Variants in CBFA2T2 observed in about 807,000 individuals in gnomAD.
CBFA2T2 encodes the protein protein CBFA2T2.
Under a neutral mutation model 62.2 loss-of-function variants are expected in CBFA2T2, and 11 were observed. The ratio of observed to expected loss-of-function variants is 0.18; its 90% CI spans 0.11 to 0.29. The LOEUF (loss-of-function observed/expected upper bound fraction) is 0.29, where lower values mean the gene tolerates loss of function less well. Among genes scored for constraint, CBFA2T2 ranks in the 10% least tolerant of loss-of-function variants. The probability of loss-of-function intolerance (pLI) is 1.00; values close to 1 mark genes in which losing one functional copy is unlikely to be tolerated. For synonymous variants in CBFA2T2, 295 were observed against 287.5 expected (o/e 1.03, Z -0.27); for missense variants, 592 against 774.1 (o/e 0.76, Z 2.79).
chr20:33,569,966 A>T (rs1303919071), intron 1 of CBFA2T2, among the ~76,000 whole-genome samples: 3 of 152,172 alleles, frequency 2.0e-5, no homozygotes, highest in African/African-American at 7.2e-5. Context: ...GCCTGAGGCA[A>T]GAGGATTACT....
At chr20:33,612,563 T>G (rs1456776080) in intron 3 of CBFA2T2, among the ~76,000 whole-genome samples, 1 of 151,516 alleles carries the variant, frequency 6.6e-6, no homozygotes, top group Admixed American at 6.6e-5. Flanking sequence ...GACTTTCTAT[T>G]ATGCTAGATA....
chr20:33,558,521 A>G (rs528194063), intron 1 of CBFA2T2, among the ~76,000 whole-genome samples: 2 of 152,196 alleles, frequency 1.3e-5, no homozygotes, highest in East Asian at 3.9e-4. Context: ...TGGACTATAA[A>G]GTTTTCCACA....
At chr20:33,574,017 G>T in intron 1 of CBFA2T2, 1 of 1,067,068 alleles carries the variant, frequency 9.4e-7, no homozygotes, top group Non-Finnish European at 1.3e-6. Context: ...TCAAACTCCT[G>T]GGCTAAAGCG....
intron 1 of CBFA2T2, chr20:33,562,405 C>T (rs2013117549): frequency 1.0e-6 from 1 of 985,850 alleles, no homozygotes; most frequent in South Asian, 4.7e-5. Flanking sequence ...TCTGGGGATT[C>T]TGGCAAGGTG....
At chr20:33,578,322 G>A (rs1270018042) in intron 1 of CBFA2T2, among the ~76,000 whole-genome samples, 1 of 152,120 alleles carries the variant, frequency 6.6e-6, no homozygotes, top group Non-Finnish European at 1.5e-5. Flanking sequence ...AAAATGGTAA[G>A]GAGTTGAGAA....
At chr20:33,582,285 G>A (rs143497513) in intron 1 of CBFA2T2, among the ~76,000 whole-genome samples, 40 of 151,604 alleles carry the variant, frequency 2.6e-4, no homozygotes, top group African/African-American at 9.2e-4. Context: ...CTGAGGTCAG[G>A]CGAGACCAGC....
At chr20:33,572,770 T>G (rs898657639) in intron 1 of CBFA2T2, among the ~76,000 whole-genome samples, 2 of 152,226 alleles carry the variant, frequency 1.3e-5, no homozygotes, top group Non-Finnish European at 2.9e-5. Context: ...TGTAATCCAA[T>G]GAATTTGGAT....
At chr20:33,587,573 G>A (rs988667805) in intron 1 of CBFA2T2, among the ~76,000 whole-genome samples, 17 of 151,854 alleles carry the variant, frequency 1.1e-4, no homozygotes, top group Admixed American at 9.8e-4. Context: ...GCCAATTTTT[G>A]TACTTTTAGT....
chr20:33,505,437 T>G (rs1245902074), intron 1 of CBFA2T2, among the ~76,000 whole-genome samples: 1 of 152,218 alleles, frequency 6.6e-6, no homozygotes, highest in African/African-American at 2.4e-5. Flanking sequence ...TTGTAGTGGT[T>G]TCCATAGTTG....
At chr20:33,561,614 G>C (rs2013094201) in intron 1 of CBFA2T2, among the ~76,000 whole-genome samples, 4 of 151,940 alleles carry the variant, frequency 2.6e-5, no homozygotes. Flanking sequence ...TGACCTTATG[G>C]GTTTCTGTCA....
chr20:33,597,023 G>A (rs2014924044), intron 1 of CBFA2T2, among the ~76,000 whole-genome samples: 1 of 149,992 alleles, frequency 6.7e-6, no homozygotes, highest in African/African-American at 2.5e-5. Context: ...CTCCAGGGCT[G>A]AAGGAATCCT....
chr20:33,537,352 C>A (rs903645352), intron 1 of CBFA2T2, among the ~76,000 whole-genome samples: 5 of 152,242 alleles, frequency 3.3e-5, no homozygotes, highest in African/African-American at 1.2e-4. Flanking sequence ...TCAGGCGTGG[C>A]AGCGCGCGCC....
At chr20:33,526,870 C>T (rs1369846947) in intron 1 of CBFA2T2, among the ~76,000 whole-genome samples, 3 of 152,218 alleles carry the variant, frequency 2.0e-5, no homozygotes, top group African/African-American at 7.2e-5. Context: ...CTACTTCTAT[C>T]TCTTACTCAC....
chr20:33,620,625 A>AG (rs1483075901), intron 4 of CBFA2T2, among the ~76,000 whole-genome samples: 1 of 152,238 alleles, frequency 6.6e-6, no homozygotes, highest in Non-Finnish European at 1.5e-5. Flanking sequence ...AGATTACCTG[A>AG]GGTCAGGAGT....
chr20:33,623,687 G>T, intron 5 of CBFA2T2: 1 of 653,068 alleles, frequency 1.5e-6, no homozygotes, highest in South Asian at 1.8e-5. Context: ...CTCCCAAAGT[G>T]CTGGGATTAT....
At chr20:33,512,879 A>G (rs1381016846) in intron 1 of CBFA2T2, among the ~76,000 whole-genome samples, 4 of 151,666 alleles carry the variant, frequency 2.6e-5, no homozygotes, top group African/African-American at 9.7e-5. Flanking sequence ...CAGCCTCCCA[A>G]GTAGTTGGGA....
At position 33,647,488 on chromosome 20, in the gene CBFA2T2, T is replaced by G. The variant is rs1445000308; in HGVS notation, c.*2842T>G. On this transcript the variant is annotated 3_prime_UTR_variant, in exon 11 of 11. Coordinates refer to ENST00000342704, the MANE Select transcript of CBFA2T2 (RefSeq NM_001032999.3). ...TAGTAGAGACGGGGTTTCTCCTTGT[T>G]GGTCAGGCTGGTCTCAAACCCCGGA... 1 of 152,184 alleles carries G rather than the reference T, an allele frequency of 6.6e-6. No homozygotes were observed. Among genetic ancestry groups the G allele is most frequent in the Non-Finnish European group, 1.5e-5 (1 of 68,058 alleles). 9.4% of individuals were successfully genotyped at this position (152,184 alleles called of 1,614,324 possible).
intron 1 of CBFA2T2, among the ~76,000 whole-genome samples, chr20:33,536,371 C>T (rs368300879): frequency 1.3e-5 from 2 of 148,186 alleles, no homozygotes; most frequent in East Asian, 2.1e-4. Context: ...CCAGTAGGGG[C>T]GGCCGGGCAG....
chr20:33,615,327 A>G (rs1839460085), intron 3 of CBFA2T2, among the ~76,000 whole-genome samples: 1 of 152,288 alleles, frequency 6.6e-6, no homozygotes, highest in Non-Finnish European at 1.5e-5. Flanking sequence ...TGCTTCACTT[A>G]CTTATTATTA....
Sources: allele counts gnomAD v4.1 joint callset (sites outside exome capture counted in the v4.1 genomes callset), GRCh38; gene constraint gnomAD v4.1.1; transcripts MANE v1.5; gene names NCBI Gene and HGNC (gene_info 2026-07-23, HGNC 2026-07-21).